SCLY: variants seen among roughly 807,000 people sequenced by gnomAD.
SCLY encodes the protein selenocysteine lyase.
Under a neutral mutation model 50.1 loss-of-function variants are expected in SCLY, and 38 were observed. That is an observed-to-expected ratio of 0.76 (90% confidence interval 0.59 to 0.99). The LOEUF is 0.99. SCLY is among the 50% of genes least tolerant of loss of function. The probability of loss-of-function intolerance (pLI) is 0.00; values close to 1 mark genes in which losing one functional copy is unlikely to be tolerated. For synonymous variants in SCLY, 243 were observed against 249.4 expected (o/e 0.97, Z 0.24); for missense variants, 600 against 620.0 (o/e 0.97, Z 0.34).
At chr2:238,070,020 A>G (rs574171865) in intron 4 of SCLY, among the ~76,000 whole-genome samples, 34 of 152,296 alleles carry the variant, frequency 2.2e-4, no homozygotes, top group African/African-American at 7.9e-4. Flanking sequence ...GCCTCCTGCT[A>G]TGTGTGGAGA....
In SCLY at chr2:238,093,923, C is replaced by G; in HGVS notation, c.984C>G (p.Asp328Glu). The G allele has an allele frequency of 6.2e-7, 1 of 1,613,890 alleles. No individual in the cohort carries two copies. Among genetic ancestry groups the G allele is most frequent in the Non-Finnish European group, 8.5e-7 (1 of 1,179,984 alleles). The change falls in exon 9 of 12, where the codon GAC becomes GAG. Residue 328 changes from aspartate to glutamate, a missense_variant. Transcript: ENST00000254663. Reference protein sequence around the residue: ...AYEAHMRDVRDYLEERLEAEF... With the variant: ...AYEAHMRDVREYLEERLEAEF... ...AGGCCCACATGAGGGACGTCCGCGA[C>G]TACCTGGAAGAGAGGCTGGAAGTGA... is the stretch of plus-strand genomic sequence containing the variant.
At chr2:238,078,727 C>G (rs1046403518) in intron 4 of SCLY, 9 of 146,904 alleles carry the variant, frequency 6.1e-5, no homozygotes, top group African/African-American at 1.8e-4. Context: ...GAGTCTTGCT[C>G]TGTCACCCAA....
intron 7 of SCLY, among the ~76,000 whole-genome samples, chr2:238,087,823 T>G (rs1307530266): frequency 6.6e-6 from 1 of 152,096 alleles, no homozygotes; most frequent in Non-Finnish European, 1.5e-5. Flanking sequence ...GGTGTGGTGG[T>G]TCACGCGTGT....
chr2:238,072,297 T>C (rs750452112), intron 4 of SCLY, among the ~76,000 whole-genome samples: 1 of 152,232 alleles, frequency 6.6e-6, no homozygotes. Context: ...TTGATAGACA[T>C]TTAGGTTGTT....
At chr2:238,085,933 A>C (rs1196267969) in intron 7 of SCLY, among the ~76,000 whole-genome samples, 1 of 152,212 alleles carries the variant, frequency 6.6e-6, no homozygotes, top group African/African-American at 2.4e-5. Context: ...CCCAAATAGC[A>C]TAAACGCAAA....
In SCLY at chr2:238,098,455, C is replaced by T; in HGVS notation, c.*100C>T. ...CTGAGGGCTGTGCCAGGATGACTGT[C>T]TCATGCCCCCTCTGCATTTTGTCCT... On this transcript the variant is annotated 3_prime_UTR_variant, in exon 12 of 12. Coordinates refer to ENST00000254663, the MANE Select transcript of SCLY (RefSeq NM_016510.7). 1 of 1,291,664 alleles carries T rather than the reference C, an allele frequency of 7.7e-7. No homozygotes were observed. Among genetic ancestry groups the T allele is most frequent in the African/African-American group, 1.5e-5 (1 of 67,538 alleles). The allele number at this position is 1,291,664 out of a possible 1,614,324, so 80.0% of individuals were successfully genotyped here.
At chr2:238,073,201 C>G (rs1448034214) in intron 4 of SCLY, among the ~76,000 whole-genome samples, 1 of 152,186 alleles carries the variant, frequency 6.6e-6, no homozygotes, top group African/African-American at 2.4e-5. Context: ...ACTGTCAACT[C>G]TATTCCATTT....
intron 10 of SCLY, chr2:238,094,794 G>A (rs767452399): frequency 1.9e-5 from 8 of 418,890 alleles, no homozygotes; most frequent in Non-Finnish European, 3.4e-5. Flanking sequence ...TGGCATTAGC[G>A]CCACCCCAAA....
chr2:238,071,828 C>T (rs138950200), intron 4 of SCLY, among the ~76,000 whole-genome samples: 23 of 152,304 alleles, frequency 1.5e-4, no homozygotes, highest in Non-Finnish European at 2.9e-4. Flanking sequence ...AAGCCTTCCT[C>T]GCACTCCCTC....
chr2:238,070,451 G>A (rs3845676), intron 4 of SCLY, among the ~76,000 whole-genome samples: 3,294 of 152,146 alleles, frequency 0.022, 123 homozygotes, highest in African/African-American at 0.076. Flanking sequence ...AGGTGGAGGC[G>A]GGTGGATCAC....
At position 238,083,011 on chromosome 2, in the gene SCLY, A is replaced by G. The variant is rs2065253889; in HGVS notation, c.778-237A>G. 1 of 589,750 alleles carries G rather than the reference A, an allele frequency of 1.7e-6. No homozygotes were observed. Among genetic ancestry groups the G allele is most frequent in the Non-Finnish European group, 3.3e-6 (1 of 307,006 alleles). 36.5% of individuals were successfully genotyped at this position (589,750 alleles called of 1,614,324 possible). On this transcript the variant is annotated intron_variant, in intron 6 of 11. Coordinates refer to ENST00000254663, the MANE Select transcript of SCLY (RefSeq NM_016510.7). This position sits in a 1 kb window ranked among gnomAD's most constrained non-coding sequence, Gnocchi z 4.3. The stretch of plus-strand genomic sequence containing the variant: ...TGCGCAGGGGAGAGCTGCCTGCCAC[A>G]GAGCTGAGCACGAGAGTCTAGCACC...
intron 8 of SCLY, chr2:238,092,676 C>T (rs2065377416): frequency 2.6e-5 from 4 of 152,628 alleles, no homozygotes; most frequent in Admixed American, 2.6e-4. Flanking sequence ...GCACAAGTGC[C>T]ACAGCTGGGT....
chr2:238,066,479 G>T lies in SCLY; in HGVS notation c.203-1586G>T, dbSNP rs1000297315. Among the ~76,000 whole-genome samples, 1 of 152,196 alleles carries T rather than the reference G, an allele frequency of 6.6e-6. No individual in the cohort carries two copies. The highest frequency in any genetic ancestry group is 6.5e-5 in the Admixed American group (1 of 15,284). ...TGTTGGGGGAGGGATGAAGCACGGTGCCCAAAATGTATTTGGGTTTTCGAG... is the reference window on the plus strand; with the variant it reads ...TGTTGGGGGAGGGATGAAGCACGGTTCCCAAAATGTATTTGGGTTTTCGAG... On this transcript the variant is annotated intron_variant, in intron 2 of 11. Transcript: ENST00000254663. This position sits in a 1 kb window ranked among gnomAD's most constrained non-coding sequence, Gnocchi z 4.1.
At chr2:238,076,046 CTTTT>C (rs34627467) in intron 4 of SCLY, among the ~76,000 whole-genome samples, 6 of 132,734 alleles carry the variant, frequency 4.5e-5, no homozygotes, top group Non-Finnish European at 7.9e-5. Flanking sequence ...TGATTTGTTC[CTTTT>C]TTTTTTTTTT....
Position 238,069,824 on chromosome 2 carries a change from T to G in SCLY, c.484+347T>G, listed in dbSNP as rs774158071. On this transcript the variant is annotated intron_variant, in intron 4 of 11. Coordinates refer to ENST00000254663, the MANE Select transcript of SCLY (RefSeq NM_016510.7). This position sits in a 1 kb window ranked among gnomAD's most constrained non-coding sequence, Gnocchi z 5.0. ...ATTTGAAACTTGCATGTAATAAATA[T>G]TTAACCTTTAAATAGTACGCCTGCA... The G allele has an allele frequency of 1.0e-5, 2 of 199,688 alleles. No homozygotes were observed. The highest frequency in any genetic ancestry group is 2.0e-5 in the Non-Finnish European group (2 of 99,928). 12.4% of individuals were successfully genotyped at this position (199,688 alleles called of 1,614,324 possible). A position where few individuals can be genotyped will look rare whatever the true frequency, so the allele number is the denominator to read the frequency against.
intron 7 of SCLY, among the ~76,000 whole-genome samples, chr2:238,084,649 C>T (rs963296888): frequency 2.8e-5 from 4 of 142,218 alleles, no homozygotes; most frequent in African/African-American, 1.0e-4. Flanking sequence ...AATCCCAGCA[C>T]TTTGGGAGGC....
At chr2:238,061,399 G>A (rs541733330) in intron 1 of SCLY, 23 of 651,794 alleles carry the variant, frequency 3.5e-5, no homozygotes, top group Non-Finnish European at 5.5e-5. Flanking sequence ...AGGTTTGCAG[G>A]TTCTGGGGAA....
intron 7 of SCLY, among the ~76,000 whole-genome samples, chr2:238,088,952 T>C (rs73098334): frequency 0.025 from 3,810 of 152,306 alleles, 164 homozygotes; most frequent in African/African-American, 0.087. Flanking sequence ...GCAAAAGGCA[T>C]ATAGATCAGA....
chr2:238,073,909 G>C (rs1300512431), intron 4 of SCLY: 1 of 397,356 alleles, frequency 2.5e-6, no homozygotes, highest in East Asian at 7.3e-5. Context: ...ACTTTATTGT[G>C]AGAATATAGC....
Sources: gnomAD v4.1 joint callset for allele counts (sites outside exome capture counted in the v4.1 genomes callset) on GRCh38, gnomAD v4.1.1 for gene constraint, Gnocchi (gnomAD v3.1) non-coding constraint, MANE v1.5 for transcripts, NCBI Gene and HGNC (gene_info 2026-07-23, HGNC 2026-07-21) for gene names.